Variants in ZNF80 observed in about 807,000 individuals in gnomAD.
The protein encoded by ZNF80 is zinc finger protein 80.
For synonymous variants in ZNF80, 132 were observed against 119.4 expected (o/e 1.11, Z -0.69); for missense variants, 394 against 334.1 (o/e 1.18, Z -1.40).
Position 114,236,244 on chromosome 3 carries a change from C to A in ZNF80, c.*9G>T, listed in dbSNP as rs2078201276. On this transcript the variant is annotated 3_prime_UTR_variant, in exon 1 of 1. Coordinates refer to ENST00000482457, the MANE Select transcript of ZNF80 (RefSeq NM_007136.4). ...AAAGAAAACCCACAAATTCCCACAT[C>A]ATTTGCACTCAAAGGTTTTTTCCTC... is the stretch of plus-strand genomic sequence containing the variant. The A allele has an allele frequency of 6.5e-7, 1 of 1,548,938 alleles. No homozygotes were observed. The highest frequency in any genetic ancestry group is 8.7e-7 in the Non-Finnish European group (1 of 1,149,886).
chr3:114,236,783 T>A lies in ZNF80; in HGVS notation c.292A>T (p.Ile98Phe), dbSNP rs1313212603. Reference protein sequence around the residue: ...EKVDFVRPMRIHTGEKPCKCV... With the variant: ...EKVDFVRPMRFHTGEKPCKCV... ...TTACAGGGCTTCTCCCCTGTGTGAA[T>A]CCTCATGGGTCGAACGAAGTCGACC... is the stretch of plus-strand genomic sequence containing the variant. Residue 98 changes from isoleucine (I) to phenylalanine (F), a missense_variant, in exon 1 of 1, where the codon ATT (isoleucine) becomes TTT (phenylalanine). Physicochemically the swap from Ile to Phe is conservative, Grantham distance 21. Coordinates refer to ENST00000482457, the MANE Select transcript of ZNF80 (RefSeq NM_007136.4). 1 of 1,614,134 alleles carries A rather than the reference T, an allele frequency of 6.2e-7. No individual in the cohort carries two copies. The highest frequency in any genetic ancestry group is 1.7e-5 in the Admixed American group (1 of 60,008).
chr3:114,234,655 T>C lies in ZNF80; in HGVS notation c.*1598A>G, dbSNP rs993374184. The C allele has an allele frequency of 1.3e-5, 2 of 152,196 alleles. No homozygotes were observed. The highest frequency in any genetic ancestry group is 2.9e-5 in the Non-Finnish European group (2 of 68,044). 9.4% of individuals were successfully genotyped at this position (152,196 alleles called of 1,614,324 possible). On this transcript the variant is annotated 3_prime_UTR_variant, in exon 1 of 1. Transcript: ENST00000482457. The stretch of plus-strand genomic sequence containing the variant: ...CTTTTATTCTAACATGCTATCTTTA[T>C]TGAAATATTTTAAACATTTATTGCA...
exon 1 of ZNF80, chr3:114,236,423 C>A (rs774104403): frequency 1.2e-6 from 2 of 1,612,372 alleles, no homozygotes; most frequent in African/African-American, 2.7e-5. Context: ...TCTTTGCACT[C>A]GTAGGGCTTT....
Position 114,234,760 on chromosome 3 carries a change from C to T in ZNF80, c.*1493G>A, listed in dbSNP as rs1390303385. 6.6e-6 allele frequency: 1 copy of T among 152,128 alleles called. No individual in the cohort carries two copies. Among genetic ancestry groups the T allele is most frequent in the Admixed American group, 6.5e-5 (1 of 15,284 alleles). The allele number at this position is 152,128 out of a possible 1,614,324, so 9.4% of individuals were successfully genotyped here. ...TAAAAACTGAACATTGCATATAACC[C>T]TGGTCCATCCCATTTCCTGCAGAAA... On this transcript the variant is annotated 3_prime_UTR_variant, in exon 1 of 1. Transcript: ENST00000482457.
At position 114,237,162 on chromosome 3, in the gene ZNF80, C is replaced by T; in HGVS notation, c.-88G>A. The T allele has an allele frequency of 1.7e-6, 2 of 1,208,580 alleles. No individual in the cohort carries two copies. Among genetic ancestry groups the T allele is most frequent in the Non-Finnish European group, 1.2e-6 (1 of 845,584 alleles). The allele number at this position is 1,208,580 out of a possible 1,614,324, so 74.9% of individuals were successfully genotyped here. Reference sequence around the variant, plus strand: ...CAACTGTGTCCGGAATTGGTGGGTTCTTGGTCTCACTGACTTCAAGAATGA... The same window carrying T: ...CAACTGTGTCCGGAATTGGTGGGTTTTTGGTCTCACTGACTTCAAGAATGA... On this transcript the variant is annotated 5_prime_UTR_variant, in exon 1 of 1. Coordinates refer to ENST00000482457, the MANE Select transcript of ZNF80 (RefSeq NM_007136.4).
rs1322301762 is a variant in ZNF80 at position 114,236,231 on chromosome 3, C to A, written c.*22G>T. 4.0e-6 allele frequency: 6 copies of A among 1,511,632 alleles called. No individual in the cohort carries two copies. In the South Asian group the frequency reaches 5.3e-5, roughly 13 times the overall value. 93.6% of individuals were successfully genotyped at this position (1,511,632 alleles called of 1,614,324 possible). A position where few individuals can be genotyped will look rare whatever the true frequency, so the allele number is the denominator to read the frequency against. On this transcript the variant is annotated 3_prime_UTR_variant, in exon 1 of 1. Coordinates refer to ENST00000482457, the MANE Select transcript of ZNF80 (RefSeq NM_007136.4). ...AAGAAAAAAAAAAAAAGAAAACCCA[C>A]AAATTCCCACATCATTTGCACTCAA...
In ZNF80 at chr3:114,237,295, G is replaced by A. The variant is rs9815471; in HGVS notation, c.-221C>T. 2.4e-3 allele frequency: 1,123 copies of A among 467,438 alleles called. 10 individuals carry two copies. The highest frequency in any genetic ancestry group is 0.019 in the African/African-American group (956 of 51,288). 29.0% of individuals were successfully genotyped at this position (467,438 alleles called of 1,614,324 possible). A position where few individuals can be genotyped will look rare whatever the true frequency, so the allele number is the denominator to read the frequency against. On this transcript the variant is annotated 5_prime_UTR_variant, in exon 1 of 1. It adds an upstream start codon to the 5' untranslated region. Coordinates refer to ENST00000482457, the MANE Select transcript of ZNF80 (RefSeq NM_007136.4). ...GGAGTTTCTTCCTTCTGGCGGGTTC[G>A]TGGTCTCGCTGGCTCAGGAGTGAAG...
chr3:114,236,573 T>C lies in ZNF80; in HGVS notation c.502A>G (p.Lys168Glu). 6.2e-7 allele frequency: 1 copy of C among 1,614,142 alleles called. No individual in the cohort carries two copies. The highest frequency in any genetic ancestry group is 1.1e-5 in the South Asian group (1 of 91,076). ...EKLFGCKECG[K>E]TFYYNSSLTR... The stretch of plus-strand genomic sequence containing the variant: ...AAGGAAGAGTTGTAGTAAAAGGTTT[T>C]TCCACATTCTTTGCACCCAAAGAGT... The change falls in exon 1 of 1, where the codon AAA becomes GAA. Residue 168 changes from lysine (K) to glutamate (E), a missense_variant. By Grantham distance (56) the Lys-to-Glu change is moderately conservative. Transcript: ENST00000482457.
rs761646837 is a variant in ZNF80 at position 114,236,425 on chromosome 3, T to A, written c.650A>T (p.Tyr217Phe). Residue 217 changes from tyrosine to phenylalanine, a missense_variant, in exon 1 of 1, where the codon TAC becomes TTC. Transcript: ENST00000482457. ...ACCTTTCCCACATTCTTTGCACTCG[T>A]AGGGCTTTCCTGCAGTGTGGGTCAT... is the stretch of plus-strand genomic sequence containing the variant. ...HSMTHTAGKP[Y>F]ECKECGKGFY... is the part of the protein sequence containing the mutation. 6.2e-7 allele frequency: 1 copy of A among 1,612,470 alleles called. No homozygotes were observed. Among genetic ancestry groups the A allele is most frequent in the Non-Finnish European group, 8.5e-7 (1 of 1,178,744 alleles).
Position 114,235,461 on chromosome 3 carries a change from A to G in ZNF80, c.*792T>C, listed in dbSNP as rs1403996482. The G allele has an allele frequency of 6.6e-6, 1 of 152,120 alleles. No homozygotes were observed. The highest frequency in any genetic ancestry group is 1.5e-5 in the Non-Finnish European group (1 of 68,002). 9.4% of individuals were successfully genotyped at this position (152,120 alleles called of 1,614,324 possible). ...TGATGTAGCAAAATATGCCCATTCA[A>G]TGTGGTTACTTACCTCCTCAGATAT... On this transcript the variant is annotated 3_prime_UTR_variant, in exon 1 of 1. Coordinates refer to ENST00000482457, the MANE Select transcript of ZNF80 (RefSeq NM_007136.4).
rs2078201284 is a variant in ZNF80 at position 114,236,247 on chromosome 3, T to C, written c.*6A>G. 5 of 1,556,556 alleles carry C rather than the reference T, an allele frequency of 3.2e-6. No individual in the cohort carries two copies. The highest frequency in any genetic ancestry group is 4.3e-6 in the Non-Finnish European group (5 of 1,155,144). ...GAAAACCCACAAATTCCCACATCAT[T>C]TGCACTCAAAGGTTTTTTCCTCCAG... On this transcript the variant is annotated 3_prime_UTR_variant, in exon 1 of 1. Coordinates refer to ENST00000482457, the MANE Select transcript of ZNF80 (RefSeq NM_007136.4).
Position 114,237,036 on chromosome 3 carries a change from A to G in ZNF80, c.39T>C (p.Gly13=). The G allele has an allele frequency of 6.2e-6, 10 of 1,611,136 alleles. 1 individual carries two copies. The highest frequency in any genetic ancestry group is 3.3e-4 in the Middle Eastern group (2 of 6,054). The change falls in exon 1 of 1, where the codon GGT becomes GGC. Residue 13 remains glycine (G), a synonymous_variant. Coordinates refer to ENST00000482457, the MANE Select transcript of ZNF80 (RefSeq NM_007136.4). Reference sequence around the variant, plus strand: ...GCTCCTGTAAAACCTGTGAGTGCAGACCATCACCTGTCCCCAACCCATCGC... The same window carrying G: ...GCTCCTGTAAAACCTGTGAGTGCAGGCCATCACCTGTCCCCAACCCATCGC... ...PKRDGLGTGD[G]LHSQVLQEQV...
chr3:114,236,374 C>G lies in ZNF80; in HGVS notation c.701G>C (p.Arg234Pro). ...KGFYYSYSLT[R>P]HTRSHTGEKP... is the part of the protein sequence containing the mutation. ...CTCTCCAGTGTGACTCCTTGTATGTCGAGTGAGGGAATAGCTGTAGTAAAA... is the reference window on the plus strand; with the variant it reads ...CTCTCCAGTGTGACTCCTTGTATGTGGAGTGAGGGAATAGCTGTAGTAAAA... Residue 234 changes from arginine (R) to proline (P), a missense_variant, in exon 1 of 1, where the codon CGA becomes CCA. Transcript: ENST00000482457. 2 of 1,612,676 alleles carry G rather than the reference C, an allele frequency of 1.2e-6. No individual in the cohort carries two copies. Among genetic ancestry groups the G allele is most frequent in the Non-Finnish European group, 1.7e-6 (2 of 1,179,030 alleles).
rs114691281 is a variant in ZNF80 at position 114,236,453 on chromosome 3, T to C, written c.622A>G (p.Ser208Gly). ...GGCTTTCCTGCAGTGTGGGTCATAC[T>C]ATGTCGGAAGAAAACAGAGCGGTAG... ...FTYRSVFFRHSMTHTAGKPYE... is the reference protein window; with the variant it reads ...FTYRSVFFRHGMTHTAGKPYE... The change falls in exon 1 of 1, where the codon AGT becomes GGT. Residue 208 changes from serine to glycine, a missense_variant. Coordinates refer to ENST00000482457, the MANE Select transcript of ZNF80 (RefSeq NM_007136.4). The C allele has an allele frequency of 4.2e-5, 67 of 1,612,652 alleles. 1 individual carries two copies. In the African/African-American group the frequency reaches 7.9e-4, roughly 19 times the overall value.
Position 114,235,950 on chromosome 3 carries a change from C to A in ZNF80, c.*303G>T. ...AACAGGTCTCCCTCCTGGAAAAATT[C>A]TCAGATGCTGAGGAAGATATTTCCT... On this transcript the variant is annotated 3_prime_UTR_variant, in exon 1 of 1. Transcript: ENST00000482457. 1 of 242,130 alleles carries A rather than the reference C, an allele frequency of 4.1e-6. No homozygotes were observed. Among genetic ancestry groups the A allele is most frequent in the South Asian group, 1.1e-4 (1 of 9,136 alleles). 15.0% of individuals were successfully genotyped at this position (242,130 alleles called of 1,614,324 possible).
Position 114,236,160 on chromosome 3 carries a change from C to T in ZNF80, c.*93G>A, listed in dbSNP as rs2078200749. 2.2e-6 allele frequency: 2 copies of T among 910,902 alleles called. No individual in the cohort carries two copies. Among genetic ancestry groups the T allele is most frequent in the South Asian group, 3.5e-5 (2 of 57,382 alleles). The allele number at this position is 910,902 out of a possible 1,614,324, so 56.4% of individuals were successfully genotyped here. A position where few individuals can be genotyped will look rare whatever the true frequency, so the allele number is the denominator to read the frequency against. On this transcript the variant is annotated 3_prime_UTR_variant, in exon 1 of 1. Transcript: ENST00000482457. ...CTGCAGGTCACAGCTTTCCTACTGC[C>T]ACTGAATTCAGAGTGCTTCTCCTCA...
chr3:114,236,362 C>G lies in ZNF80; in HGVS notation c.713G>C (p.Ser238Thr). Residue 238 changes from serine (S) to threonine (T), a missense_variant, in exon 1 of 1, where the codon AGT (serine) becomes ACT (threonine). Coordinates refer to ENST00000482457, the MANE Select transcript of ZNF80 (RefSeq NM_007136.4). ...YSYSLTRHTR[S>T]HTGEKPYECL... ...CTCATAAGGTTTCTCTCCAGTGTGA[C>G]TCCTTGTATGTCGAGTGAGGGAATA... The G allele has an allele frequency of 6.2e-7, 1 of 1,612,730 alleles. No homozygotes were observed. Among genetic ancestry groups the G allele is most frequent in the Non-Finnish European group, 8.5e-7 (1 of 1,178,984 alleles).
rs543879495 is a variant in ZNF80 at position 114,237,526 on chromosome 3, A to C, written c.-452T>G. The C allele has an allele frequency of 6.4e-6, 1 of 155,146 alleles. No homozygotes were observed. Among genetic ancestry groups the C allele is most frequent in the African/African-American group, 2.4e-5 (1 of 41,570 alleles). The allele number at this position is 155,146 out of a possible 1,614,324, so 9.6% of individuals were successfully genotyped here. A position where few individuals can be genotyped will look rare whatever the true frequency, so the allele number is the denominator to read the frequency against. On this transcript the variant is annotated 5_prime_UTR_variant, in exon 1 of 1. Coordinates refer to ENST00000482457, the MANE Select transcript of ZNF80 (RefSeq NM_007136.4). ...TTTATTGCAAAGAGCGAAAGAACAA[A>C]GCTTCCACAGTGTGGAAAGGGACCC...
In ZNF80 at chr3:114,235,418, G is replaced by A. The variant is rs1387157074; in HGVS notation, c.*835C>T. 1 of 152,204 alleles carries A rather than the reference G, an allele frequency of 6.6e-6. No homozygotes were observed. The highest frequency in any genetic ancestry group is 1.5e-5 in the Non-Finnish European group (1 of 68,040). The allele number at this position is 152,204 out of a possible 1,614,324, so 9.4% of individuals were successfully genotyped here. On this transcript the variant is annotated 3_prime_UTR_variant, in exon 1 of 1. Transcript: ENST00000482457. Reference sequence around the variant, plus strand: ...AAGAATTGTTTTTTGTTAAATTAAAGCCTTAAGTAGTCTTAAATGATGTAG... The same window carrying A: ...AAGAATTGTTTTTTGTTAAATTAAAACCTTAAGTAGTCTTAAATGATGTAG...
Sources: allele counts gnomAD v4.1 joint callset, GRCh38; gene constraint gnomAD v4.1.1; transcripts MANE v1.5; gene names NCBI Gene and HGNC (gene_info 2026-07-23, HGNC 2026-07-21).